The following RBL2 variants were observed in gnomAD, a reference collection of about 807,000 sequenced individuals.
RBL2 encodes retinoblastoma-like protein 2.
A neutral mutation model predicts 126.0 loss-of-function variants in RBL2; 56 were observed. That is an observed-to-expected ratio of 0.44 (90% CI 0.36 to 0.56). The LOEUF is 0.56. Among genes scored for constraint, RBL2 ranks in the 20% least tolerant of loss-of-function variants. The pLI, the probability that RBL2 is intolerant of heterozygous loss-of-function variation, is 0.00. For missense variants in RBL2, 1,229 were observed against 1,398.2 expected (o/e 0.88, Z 1.93); for synonymous variants, 454 against 478.5 (o/e 0.95, Z 0.67).
chr16:53,457,671 C>G (rs2150800283), intron 8 of RBL2, among the ~76,000 whole-genome samples: 1 of 152,272 alleles, frequency 6.6e-6, no homozygotes, highest in Admixed American at 6.5e-5. Context: ...TTTTGTAAGT[C>G]TTCATTTGGA....
At position 53,434,704 on chromosome 16, in the gene RBL2, G is replaced by T; in HGVS notation, c.148G>T (p.Asp50Tyr). Residue 50 changes from aspartate (D) to tyrosine (Y), a missense_variant, in exon 1 of 22, where the codon GAC (aspartate) becomes TAC (tyrosine). Coordinates refer to ENST00000262133, the MANE Select transcript of RBL2 (RefSeq NM_005611.4). The part of the protein sequence containing the change: ...SPTPQIQQRF[D>Y]ELCSRLNMDE... Reference sequence around the variant, plus strand: ...CACCCCTCAGATCCAGCAGCGGTTCGACGAGCTGTGCAGCCGCCTCAACAT... The same window carrying T: ...CACCCCTCAGATCCAGCAGCGGTTCTACGAGCTGTGCAGCCGCCTCAACAT... 1.3e-6 allele frequency: 2 copies of T among 1,566,070 alleles called. No homozygotes were observed. Among genetic ancestry groups the T allele is most frequent in the Non-Finnish European group, 1.7e-6 (2 of 1,166,002 alleles).
Position 53,453,558 on chromosome 16 carries a change from G to A in RBL2, c.873G>A (p.Lys291=), listed in dbSNP as rs1374188417. Residue 291 remains lysine, a synonymous_variant, in exon 6 of 22, where the codon AAG becomes AAA. Coordinates refer to ENST00000262133, the MANE Select transcript of RBL2 (RefSeq NM_005611.4). ...SLHDGLVLEA[K]GIKEHFWKPY... ...ATGATGGCCTAGTTTTGGAAGCAAAGGGGATAAAGGAACATTTCTGGAAAC... is the reference window on the plus strand; with the variant it reads ...ATGATGGCCTAGTTTTGGAAGCAAAAGGGATAAAGGAACATTTCTGGAAAC... 1 of 1,613,344 alleles carries A rather than the reference G, an allele frequency of 6.2e-7. No individual in the cohort carries two copies. Among genetic ancestry groups the A allele is most frequent in the Non-Finnish European group, 8.5e-7 (1 of 1,179,654 alleles).
chr16:53,473,863 ATT>A (rs2150817762), intron 17 of RBL2, among the ~76,000 whole-genome samples: 1 of 151,768 alleles, frequency 6.6e-6, no homozygotes, highest in African/African-American at 2.4e-5. Flanking sequence ...AGGGCATTAG[ATT>A]TTGTCAAATG....
At chr16:53,481,531 T>C in intron 20 of RBL2, 140 bp from the exon 21 acceptor site, 4 of 754,824 alleles carry the variant, frequency 5.3e-6, no homozygotes, top group South Asian at 2.4e-5. Flanking sequence ...TATTTTTCTT[T>C]AGGTTAAGTT....
rs899890605 is a variant in RBL2, at chr16:53,479,304, CTG to C, written c.2775+82_2775+83del. On this transcript the variant is annotated intron_variant, in intron 18 of 21. Coordinates refer to ENST00000262133, the MANE Select transcript of RBL2 (RefSeq NM_005611.4). ...TACAAAAAATTAACCATAGTTGACTCTGTGGCCTTTTTTCCAAGATAAACACC... is the reference window on the plus strand; with the variant it reads ...TACAAAAAATTAACCATAGTTGACTCTGGCCTTTTTTCCAAGATAAACACC... 3.8e-6 allele frequency: 5 copies of C among 1,325,552 alleles called. No homozygotes were observed. The African/African-American group carries it at 5.9e-5, about 16-fold the overall frequency. The allele number at this position is 1,325,552 out of a possible 1,614,324, so 82.1% of individuals were successfully genotyped here. A position where few individuals can be genotyped will look rare whatever the true frequency, so the allele number is the denominator to read the frequency against.
chr16:53,465,782 C>A, intron 13 of RBL2, 180 bp downstream of exon 13: 2 of 449,170 alleles, frequency 4.5e-6, no homozygotes, highest in Non-Finnish European at 7.6e-6. Flanking sequence ...TGCCAAGAGA[C>A]CAAAGAATGA....
chr16:53,435,502 CGCA>C, intron 1 of RBL2: 1 of 1,080,500 alleles, frequency 9.3e-7, no homozygotes, highest in Admixed American at 3.7e-5. Flanking sequence ...TGTGTTAGGT[CGCA>C]GCCTTCGGAC....
Position 53,453,483 on chromosome 16 carries a change from T to C in RBL2, c.798T>C (p.Ser266=). Reference sequence around the variant, plus strand: ...CTGAAGATTTTCATGCTAAAGATTCTAAACCTTCCTCTGACCCCCCTTGTA... The same window carrying C: ...CTGAAGATTTTCATGCTAAAGATTCCAAACCTTCCTCTGACCCCCCTTGTA... The part of the protein sequence containing the change: ...GLSEDFHAKD[S]KPSSDPPCII... The change falls in exon 6 of 22, where the codon TCT becomes TCC. Residue 266 remains serine, a synonymous_variant. Transcript: ENST00000262133. 6.2e-7 allele frequency: 1 copy of C among 1,613,422 alleles called. No homozygotes were observed. The highest frequency in any genetic ancestry group is 8.5e-7 in the Non-Finnish European group (1 of 1,179,488).
intron 9 of RBL2, among the ~76,000 whole-genome samples, 198 bp downstream of exon 9, chr16:53,459,815 A>G (rs1442680455): frequency 6.6e-6 from 1 of 152,122 alleles, no homozygotes; most frequent in Non-Finnish European, 1.5e-5. Context: ...TTTCTTTAAT[A>G]TAATACAAGA....
chr16:53,443,040 G>A (rs1461295825), intron 3 of RBL2, among the ~76,000 whole-genome samples, 182 bp downstream of exon 3: 2 of 151,720 alleles, frequency 1.3e-5, no homozygotes, highest in African/African-American at 2.4e-5. Context: ...ATGAAGAGTG[G>A]CTTTTTTCAT....
chr16:53,479,643 A>G (rs1960864931), intron 18 of RBL2: 1 of 471,490 alleles, frequency 2.1e-6, no homozygotes, highest in African/African-American at 2.0e-5. Context: ...ATGACTTGAC[A>G]TTATGGTTGG....
intron 18 of RBL2, 44 bp downstream of exon 18, chr16:53,479,269 C>T: frequency 1.3e-6 from 2 of 1,537,150 alleles, no homozygotes; most frequent in Non-Finnish European, 1.8e-6. Flanking sequence ...AGCTTAAAGT[C>T]TGTGATGAAT....
intron 2 of RBL2, among the ~76,000 whole-genome samples, chr16:53,440,802 C>T (rs2153138010): frequency 6.6e-6 from 1 of 152,146 alleles, no homozygotes; most frequent in East Asian, 1.9e-4. Flanking sequence ...GATCCACCCG[C>T]CTTGGACTCC....
chr16:53,440,788 A>G (rs1377960572), intron 2 of RBL2, among the ~76,000 whole-genome samples: 2 of 152,018 alleles, frequency 1.3e-5, no homozygotes, highest in African/African-American at 2.4e-5. Flanking sequence ...TCCCGACCTC[A>G]GGTGATCCAC....
chr16:53,435,560 C>T (rs1216551307), intron 1 of RBL2: 6 of 1,209,222 alleles, frequency 5.0e-6, no homozygotes, highest in Admixed American at 3.3e-5. Context: ...CAGTGAGTGT[C>T]AGCTTTGTAT....
At position 53,457,258 on chromosome 16, in the gene RBL2, C is replaced by CTT. The variant is rs756763534; in HGVS notation, c.1180-2175_1180-2174dup. ...GGGTCATCAGGGTGGGTACAGATAG[C>CTT]TTTTTTTTTTTTTTTTTTTGAGATG... On this transcript the variant is annotated intron_variant, in intron 8 of 21. Transcript: ENST00000262133. Among the ~76,000 whole-genome samples, 84 of 89,932 alleles carry CTT rather than the reference C, an allele frequency of 9.3e-4. 13 individuals are homozygous for CTT. The highest frequency in any genetic ancestry group is 3.5e-3 in the African/African-American group (59 of 16,720). The allele number at this position is 89,932 out of a possible 152,430, so 59.0% of individuals were successfully genotyped here.
chr16:53,455,996 C>A (rs1341767663), intron 8 of RBL2, among the ~76,000 whole-genome samples: 1 of 151,900 alleles, frequency 6.6e-6, no homozygotes, highest in East Asian at 1.9e-4. Flanking sequence ...AAGTGAGACC[C>A]CGTCTCTACA....
Position 53,481,821 on chromosome 16 carries a change from A to G in RBL2, c.3235A>G (p.Asn1079Asp), listed in dbSNP as rs894025233. The change falls in exon 21 of 22, where the codon AAC becomes GAC. Residue 1079 changes from asparagine to aspartate, a missense_variant. This residue lies in a region of RBL2 where 1,070 missense variants were observed against 1,274.3 expected (regional missense o/e 0.84). Coordinates refer to ENST00000262133, the MANE Select transcript of RBL2 (RefSeq NM_005611.4). ...AGAAAAGATTTTCTATTACTTCAGC[A>G]ACAGTCCTTCAAAGGTGAGCCTAAC... Reference protein sequence around the residue: ...PREKIFYYFSNSPSKRLREIN... With the variant: ...PREKIFYYFSDSPSKRLREIN... The G allele has an allele frequency of 6.3e-7, 1 of 1,583,362 alleles. No individual in the cohort carries two copies. Among genetic ancestry groups the G allele is most frequent in the African/African-American group, 1.3e-5 (1 of 74,152 alleles).
intron 21 of RBL2, among the ~76,000 whole-genome samples, chr16:53,482,859 G>A (rs1363185445): frequency 6.6e-6 from 1 of 151,196 alleles, no homozygotes; most frequent in Admixed American, 6.6e-5. Flanking sequence ...ATATATATAT[G>A]GCCTGAACTC....
Sources: gnomAD v4.1 joint callset for allele counts (sites outside exome capture counted in the v4.1 genomes callset) on GRCh38, gnomAD v4.1.1 for gene constraint, gnomAD v4.1.1 regional missense constraint, MANE v1.5 for transcripts, NCBI Gene and HGNC (gene_info 2026-07-23, HGNC 2026-07-21) for gene names.